CSMD1: variants seen among roughly 807,000 people sequenced by gnomAD.
CSMD1 encodes the protein CUB and Sushi multiple domains 1.
CSMD1 carries 213 observed loss-of-function variants against 417.5 expected under a neutral mutation model. That is an observed-to-expected ratio of 0.51 (90% CI 0.46 to 0.57). CSMD1 has a LOEUF of 0.57. CSMD1 is among the 20% of genes least tolerant of loss of function. The pLI, the probability that CSMD1 is intolerant of heterozygous loss-of-function variation, is 0.00. For missense variants in CSMD1, 6,923 were observed against 4,529.7 expected, an observed-to-expected ratio of 1.53 and a Z score of -15.17; for synonymous variants, 2,862 against 1,736.8, an observed-to-expected ratio of 1.65 and a Z score of -16.11.
chr8:3,971,517 T>C (rs1813089115), intron 5 of CSMD1, among the ~76,000 whole-genome samples: 1 of 152,240 alleles, frequency 6.6e-6, no homozygotes, highest in Non-Finnish European at 1.5e-5. Context: ...CCCGAATCTA[T>C]GATTAAATTT....
chr8:3,909,795 A>C (rs1312490294), intron 5 of CSMD1, among the ~76,000 whole-genome samples: 1 of 152,148 alleles, frequency 6.6e-6, no homozygotes, highest in Non-Finnish European at 1.5e-5. Context: ...AGTGTTTAAT[A>C]ATTCTCATCA....
chr8:3,644,162 C>T (rs1797457236), intron 7 of CSMD1, among the ~76,000 whole-genome samples: 1 of 152,158 alleles, frequency 6.6e-6, no homozygotes, highest in African/African-American at 2.4e-5. Context: ...GTTAGGCCCC[C>T]AATGTAGACT....
chr8:4,286,500 C>T (rs988880601), intron 3 of CSMD1, among the ~76,000 whole-genome samples: 4 of 151,990 alleles, frequency 2.6e-5, no homozygotes, highest in African/African-American at 9.7e-5. Context: ...GGTTGTGGCA[C>T]AGGAAGGAAG....
intron 5 of CSMD1, among the ~76,000 whole-genome samples, chr8:3,995,851 G>A (rs1413423011): frequency 6.6e-6 from 1 of 152,170 alleles, no homozygotes; most frequent in African/African-American, 2.4e-5. Context: ...TATTAGACAT[G>A]AAGGCACACA....
chr8:3,196,109 G>C (rs1044039692), intron 33 of CSMD1, among the ~76,000 whole-genome samples: 1 of 152,126 alleles, frequency 6.6e-6, no homozygotes, highest in African/African-American at 2.4e-5. Flanking sequence ...CCAAGATGGC[G>C]ACTAAAGTGA....
chr8:4,599,359 G>C (rs1022257069), intron 2 of CSMD1, among the ~76,000 whole-genome samples: 1 of 151,952 alleles, frequency 6.6e-6, no homozygotes, highest in Non-Finnish European at 1.5e-5. Flanking sequence ...GGTCACCCTG[G>C]AAGAATTTTT....
At chr8:4,310,195 C>A (rs990869039) in intron 3 of CSMD1, among the ~76,000 whole-genome samples, 1 of 152,156 alleles carries the variant, frequency 6.6e-6, no homozygotes, top group Admixed American at 6.6e-5. Flanking sequence ...CAATGGTAAT[C>A]TCCTTTCCAT....
intron 3 of CSMD1, among the ~76,000 whole-genome samples, chr8:4,172,031 T>C (rs576351853): frequency 2.7e-4 from 41 of 152,260 alleles, no homozygotes; most frequent in African/African-American, 9.2e-4. Context: ...TATTTTCAAA[T>C]AAAAGGAAAC....
At chr8:3,658,714 C>G (rs1323148086) in intron 7 of CSMD1, among the ~76,000 whole-genome samples, 1 of 151,968 alleles carries the variant, frequency 6.6e-6, no homozygotes, top group Non-Finnish European at 1.5e-5. Flanking sequence ...ACGCAGGAGG[C>G]TAAGGTTGCA....
intron 33 of CSMD1, among the ~76,000 whole-genome samples, chr8:3,195,403 G>T (rs1295607729): frequency 6.6e-6 from 1 of 152,296 alleles, no homozygotes; most frequent in African/African-American, 2.4e-5. Context: ...TGAATTACAG[G>T]CCAAAGCAAA....
chr8:3,374,423 T>A (rs1480272567), intron 18 of CSMD1, among the ~76,000 whole-genome samples: 2 of 152,342 alleles, frequency 1.3e-5, no homozygotes, highest in Non-Finnish European at 2.9e-5. Context: ...AGTCCCTGTT[T>A]TTCCAAAGTT....
chr8:4,574,272 C>G (rs1484624247), intron 2 of CSMD1, among the ~76,000 whole-genome samples: 1 of 152,150 alleles, frequency 6.6e-6, no homozygotes, highest in Non-Finnish European at 1.5e-5. Flanking sequence ...GAGGGAATTT[C>G]CTGGTTTGTT....
At chr8:3,251,397 G>T (rs997017777) in intron 26 of CSMD1, among the ~76,000 whole-genome samples, 2 of 152,062 alleles carry the variant, frequency 1.3e-5, no homozygotes, top group Non-Finnish European at 2.9e-5. Flanking sequence ...TATTTCTGAG[G>T]GCTCTGTTCT....
intron 7 of CSMD1, among the ~76,000 whole-genome samples, chr8:3,673,734 C>T (rs765013841): frequency 1.3e-5 from 2 of 152,154 alleles, no homozygotes; most frequent in African/African-American, 2.4e-5. Flanking sequence ...TTTTAGTCCA[C>T]GAAACTATTG....
chr8:3,922,624 G>C (rs1433731871), intron 5 of CSMD1, among the ~76,000 whole-genome samples: 2 of 152,062 alleles, frequency 1.3e-5, no homozygotes, highest in South Asian at 4.1e-4. Context: ...TTTTGTGGCT[G>C]ATAAAAATGT....
intron 3 of CSMD1, among the ~76,000 whole-genome samples, chr8:4,171,550 A>G (rs1198607935): frequency 6.6e-6 from 1 of 151,856 alleles, no homozygotes; most frequent in Non-Finnish European, 1.5e-5. Flanking sequence ...ATGTACAATA[A>G]CTACTGGATA....
rs150099245 is a variant in CSMD1 at position 3,895,756 on chromosome 8, G to C, written c.818+102147C>G. Reference sequence around the variant, plus strand: ...CACTTATTTATTCATTCCTAATTCAGTCATTTAAGAAATATTTCCTACGGT... The same window carrying C: ...CACTTATTTATTCATTCCTAATTCACTCATTTAAGAAATATTTCCTACGGT... On this transcript the variant is annotated intron_variant, in intron 5 of 69. Coordinates refer to ENST00000635120, the MANE Select transcript of CSMD1 (RefSeq NM_033225.6). Among the ~76,000 whole-genome samples, 288 of 152,150 alleles carry C rather than the reference G, an allele frequency of 1.9e-3. 3 individuals are homozygous for C. Among genetic ancestry groups the C allele is most frequent in the African/African-American group, 6.4e-3 (267 of 41,502 alleles).
intron 3 of CSMD1, among the ~76,000 whole-genome samples, chr8:4,402,993 TTTGTTG>T (rs772020712): frequency 4.4e-4 from 67 of 151,748 alleles, no homozygotes; most frequent in African/African-American, 1.4e-3. Flanking sequence ...CTAATTTTCT[TTTGTTG>T]TTGTTGTTTT....
intron 7 of CSMD1, among the ~76,000 whole-genome samples, chr8:3,683,417 G>T (rs1799771292): frequency 6.6e-6 from 1 of 151,896 alleles, no homozygotes; most frequent in African/African-American, 2.4e-5. Flanking sequence ...TACAGGCAAT[G>T]GTTTGAAACT....
Sources: allele counts gnomAD v4.1 joint callset (sites outside exome capture counted in the v4.1 genomes callset), GRCh38; gene constraint gnomAD v4.1.1; transcripts MANE v1.5; gene names NCBI Gene and HGNC (gene_info 2026-07-23, HGNC 2026-07-21).